GPC6: variants seen among roughly 807,000 people sequenced by gnomAD.
GPC6 encodes glypican-6.
A neutral mutation model predicts 55.2 loss-of-function variants in GPC6; 14 were observed. The ratio of observed to expected loss-of-function variants is 0.25; its 90% CI spans 0.17 to 0.40. GPC6 has a LOEUF of 0.40. Among genes scored for constraint, GPC6 ranks in the 10% least tolerant of loss-of-function variants. GPC6 has a pLI of 1.00. For missense variants in GPC6, 641 were observed against 708.5 expected, an observed-to-expected ratio of 0.90 and a Z score of 1.08; for synonymous variants, 278 against 259.6, an observed-to-expected ratio of 1.07 and a Z score of -0.68.
chr13:93,645,925 C>A (rs1270045168), intron 2 of GPC6, among the ~76,000 whole-genome samples: 1 of 151,988 alleles, frequency 6.6e-6, no homozygotes, highest in Admixed American at 6.6e-5. Flanking sequence ...CTAATCTCGT[C>A]CCCCGACCCT....
intron 4 of GPC6, among the ~76,000 whole-genome samples, chr13:94,115,853 A>AT (rs1886415154): frequency 6.6e-6 from 1 of 152,038 alleles, no homozygotes; most frequent in African/African-American, 2.4e-5. Context: ...AAATAAGAAT[A>AT]TTTTTTCAGT....
chr13:94,394,850 C>G lies in GPC6; in HGVS notation c.1290-3616C>G, dbSNP rs115077478. Among the ~76,000 whole-genome samples the G allele has an allele frequency of 3.1e-3, 476 of 152,266 alleles. 4 individuals are homozygous for G. Among genetic ancestry groups the G allele is most frequent in the African/African-American group, 0.011 (456 of 41,548 alleles). On this transcript the variant is annotated intron_variant, in intron 7 of 8. Coordinates refer to ENST00000377047, the MANE Select transcript of GPC6 (RefSeq NM_005708.5). ...GAGCATCAGTAGGCACAGTTAGAGG[C>G]TGGGTTTACTTGGCAGTCTCTTATT... is the stretch of plus-strand genomic sequence containing the variant.
chr13:93,340,948 C>A (rs1880234541), intron 1 of GPC6, among the ~76,000 whole-genome samples: 1 of 152,060 alleles, frequency 6.6e-6, no homozygotes, highest in South Asian at 2.1e-4. Flanking sequence ...TTCCAAATTT[C>A]CCCCTGGAGT....
At chr13:93,745,446 T>C (rs9524187) in intron 2 of GPC6, among the ~76,000 whole-genome samples, 97,620 of 151,942 alleles carry the variant, frequency 0.64, 31,785 homozygotes, top group East Asian at 0.77. Flanking sequence ...CTCATCACCT[T>C]GTTAAGTCAC....
At chr13:93,393,127 T>TATATATATATATATATAGAGAGAGAGAG (rs1230857277) in intron 1 of GPC6, among the ~76,000 whole-genome samples, 1 of 87,612 alleles carries the variant, frequency 1.1e-5, no homozygotes, top group African/African-American at 3.9e-5. Flanking sequence ...TATATATATA[T>TATATATATATATATATAGAGAGAGAGAG]AGAGAGAGAG....
At chr13:94,084,557 C>T (rs1422027495) in intron 4 of GPC6, among the ~76,000 whole-genome samples, 1 of 150,276 alleles carries the variant, frequency 6.7e-6, no homozygotes, top group African/African-American at 2.5e-5. Flanking sequence ...CAGTTAAATG[C>T]TCCATATTAG....
rs1234341426 is a variant in GPC6 at position 94,061,651 on chromosome 13, C to T, written c.877+33757C>T. Among the ~76,000 whole-genome samples, 5 of 151,752 alleles carry T rather than the reference C, an allele frequency of 3.3e-5. No individual in the cohort carries two copies. In the East Asian group the frequency reaches 9.7e-4, roughly 29 times the overall value. ...AGCACTGTGTTACTGGGTGATTTTG[C>T]AGAATCTTGACTCATGGGAGGTGAA... On this transcript the variant is annotated intron_variant, in intron 4 of 8. Coordinates refer to ENST00000377047, the MANE Select transcript of GPC6 (RefSeq NM_005708.5).
chr13:93,332,128 C>T (rs191781421), intron 1 of GPC6, among the ~76,000 whole-genome samples: 58 of 152,150 alleles, frequency 3.8e-4, no homozygotes, highest in Admixed American at 3.7e-3. Flanking sequence ...TTGGTTGATT[C>T]CATATTTTAG....
At chr13:94,170,219 G>A (rs999251529) in intron 4 of GPC6, among the ~76,000 whole-genome samples, 2 of 152,186 alleles carry the variant, frequency 1.3e-5, no homozygotes, top group Non-Finnish European at 2.9e-5. Flanking sequence ...TGAAATCCTA[G>A]CCTCTTTTTC....
At chr13:94,057,505 TA>T (rs1055922268) in intron 4 of GPC6, among the ~76,000 whole-genome samples, 11 of 152,306 alleles carry the variant, frequency 7.2e-5, no homozygotes, top group African/African-American at 2.6e-4. Context: ...GTAAGTAGCA[TA>T]AGGTGAAAGA....
intron 3 of GPC6, among the ~76,000 whole-genome samples, chr13:93,884,273 T>C (rs2140312367): frequency 6.6e-6 from 1 of 152,244 alleles, no homozygotes; most frequent in South Asian, 2.1e-4. Flanking sequence ...GGCCGTTGTC[T>C]TACTATATTT....
At chr13:94,200,904 T>A (rs1889725464) in intron 4 of GPC6, among the ~76,000 whole-genome samples, 1 of 152,204 alleles carries the variant, frequency 6.6e-6, no homozygotes, top group Non-Finnish European at 1.5e-5. Flanking sequence ...CCAAGTGGGA[T>A]GACCAGGGCT....
At chr13:93,910,977 T>C (rs1876944259) in intron 3 of GPC6, among the ~76,000 whole-genome samples, 1 of 152,220 alleles carries the variant, frequency 6.6e-6, no homozygotes, top group South Asian at 2.1e-4. Flanking sequence ...CCTCGAATAC[T>C]GCATGTACTC....
intron 4 of GPC6, among the ~76,000 whole-genome samples, chr13:94,247,489 A>G (rs77534674): frequency 0.16 from 24,550 of 152,048 alleles, 3,690 homozygotes; most frequent in African/African-American, 0.4. Flanking sequence ...TAGATTTTGC[A>G]TAAATGGGTC....
At position 93,591,291 on chromosome 13, in the gene GPC6, G is replaced by A. The variant is rs551586757; in HGVS notation, c.319+45870G>A. ...ATCCTGGCTAACAAGGTGAAACCCC[G>A]TCTCTACTAAAAATACAAAAAAATT... On this transcript the variant is annotated intron_variant, in intron 2 of 8. Coordinates refer to ENST00000377047, the MANE Select transcript of GPC6 (RefSeq NM_005708.5). Among the ~76,000 whole-genome samples, 12 of 151,858 alleles carry A rather than the reference G, an allele frequency of 7.9e-5. No individual in the cohort carries two copies. In the South Asian group the frequency reaches 2.3e-3, roughly 29 times the overall value.
At chr13:93,884,789 A>G (rs937927134) in intron 3 of GPC6, among the ~76,000 whole-genome samples, 2 of 152,122 alleles carry the variant, frequency 1.3e-5, no homozygotes, top group Admixed American at 6.6e-5. Context: ...AACACTTTCC[A>G]TAGGGTTATC....
intron 2 of GPC6, among the ~76,000 whole-genome samples, chr13:93,807,397 A>G (rs1003124222): frequency 6.6e-6 from 1 of 152,222 alleles, no homozygotes; most frequent in African/African-American, 2.4e-5. Flanking sequence ...CAGATTCCCA[A>G]GACGTAATTC....
intron 2 of GPC6, among the ~76,000 whole-genome samples, chr13:93,727,389 C>T (rs1207634455): frequency 6.6e-6 from 1 of 152,126 alleles, no homozygotes; most frequent in Non-Finnish European, 1.5e-5. Context: ...AATCTATCCA[C>T]ATTTCATCAC....
intron 4 of GPC6, among the ~76,000 whole-genome samples, chr13:94,239,573 G>A (rs1890989686): frequency 6.6e-6 from 1 of 151,906 alleles, no homozygotes; most frequent in Non-Finnish European, 1.5e-5. Flanking sequence ...ACATTTTAGG[G>A]CAAACATTTC....
Sources: allele counts gnomAD v4.1 joint callset (sites outside exome capture counted in the v4.1 genomes callset), GRCh38; gene constraint gnomAD v4.1.1; transcripts MANE v1.5; gene names NCBI Gene and HGNC (gene_info 2026-07-23, HGNC 2026-07-21).